Variants in MYO3B observed in about 807,000 individuals in gnomAD.
MYO3B encodes the protein myosin IIIB, also known as myosin-IIIb.
A neutral mutation model predicts 174.6 loss-of-function variants in MYO3B; 156 were observed. The ratio of observed to expected loss-of-function variants is 0.89; its 90% confidence interval spans 0.78 to 1.02. MYO3B has a LOEUF of 1.02. Ranked by LOEUF, MYO3B falls within the 50% of genes least tolerant of loss-of-function variation. The pLI is 0.00. For synonymous variants in MYO3B, 563 were observed against 569.1 expected (o/e 0.99, Z 0.15); for missense variants, 1,632 against 1,639.4 (o/e 1.00, Z 0.08).
At chr2:170,293,457 T>G (rs1259577760) in intron 7 of MYO3B, among the ~76,000 whole-genome samples, 1 of 152,208 alleles carries the variant, frequency 6.6e-6, no homozygotes, top group African/African-American at 2.4e-5. Flanking sequence ...TTTAAGAGAA[T>G]GCTTCCAATG....
chr2:170,651,597 A>G (rs1211231985), intron 32 of MYO3B, 31 bp from the exon 33 acceptor site: 45 of 1,587,796 alleles, frequency 2.8e-5, no homozygotes, highest in Non-Finnish European at 3.9e-5. Flanking sequence ...CACCTCGGAC[A>G]GTTTACAGCA....
chr2:170,640,353 A>G (rs530804335), intron 32 of MYO3B: 1 of 152,326 alleles, frequency 6.6e-6, no homozygotes, highest in African/African-American at 2.4e-5. Flanking sequence ...ACCATGTTTT[A>G]TCTTTTCATA....
chr2:170,303,792 A>G (rs73978324), intron 7 of MYO3B, among the ~76,000 whole-genome samples: 8,302 of 152,180 alleles, frequency 0.055, 391 homozygotes, highest in Middle Eastern at 0.13. Flanking sequence ...TTATGCATAC[A>G]TGTTTTTCTT....
At chr2:170,188,878 G>A (rs1252288078) in intron 1 of MYO3B, among the ~76,000 whole-genome samples, 3 of 152,176 alleles carry the variant, frequency 2.0e-5, no homozygotes, top group Non-Finnish European at 4.4e-5. Flanking sequence ...GATATGTATA[G>A]TTTACACACC....
chr2:170,557,039 A>G (rs912602828), intron 32 of MYO3B, among the ~76,000 whole-genome samples: 5 of 150,358 alleles, frequency 3.3e-5, no homozygotes, highest in Non-Finnish European at 7.4e-5. Context: ...AGTTCTTTGT[A>G]TATTTTGGAT....
In MYO3B at chr2:170,407,736, G is replaced by T. The variant is rs912157747; in HGVS notation, c.2542G>T (p.Val848Phe). 1.2e-6 allele frequency: 2 copies of T among 1,614,016 alleles called. No individual in the cohort carries two copies. The highest frequency in any genetic ancestry group is 1.7e-5 in the Admixed American group (1 of 60,010). The change falls in exon 22 of 35, where the codon GTT (valine) becomes TTT (phenylalanine). Residue 848 changes from valine (V) to phenylalanine (F), a missense_variant. By Grantham distance (50) the Val-to-Phe change is conservative. Coordinates refer to ENST00000408978, the MANE Select transcript of MYO3B (RefSeq NM_138995.5). ...ACAGGTATTATATGATGCTTCTGGG[G>T]TTCTTGAGAAAAATAGAGACACTCT... ...AGKVLYDASG[V>F]LEKNRDTLPA... is the part of the protein sequence containing the mutation.
chr2:170,471,641 T>G (rs995087807), intron 25 of MYO3B, among the ~76,000 whole-genome samples: 2 of 152,206 alleles, frequency 1.3e-5, no homozygotes, highest in African/African-American at 4.8e-5. Context: ...CAACACCATT[T>G]TGTTGAAAAT....
chr2:170,607,264 T>G (rs1694870424), intron 32 of MYO3B, among the ~76,000 whole-genome samples: 1 of 152,238 alleles, frequency 6.6e-6, no homozygotes. Flanking sequence ...GTAGTATCAG[T>G]TGGGATAGAT....
chr2:170,318,680 C>A (rs145058739), intron 7 of MYO3B, among the ~76,000 whole-genome samples: 1 of 152,192 alleles, frequency 6.6e-6, no homozygotes, highest in Non-Finnish European at 1.5e-5. Context: ...GCAGGAGGTA[C>A]CTCTATGCAG....
intron 6 of MYO3B, among the ~76,000 whole-genome samples, chr2:170,218,956 T>A (rs1273421205): frequency 6.6e-6 from 1 of 152,218 alleles, no homozygotes; most frequent in Non-Finnish European, 1.5e-5. Context: ...TATCCAGCCT[T>A]GTTTCAGATT....
chr2:170,468,204 C>T (rs1262566660), intron 25 of MYO3B, among the ~76,000 whole-genome samples: 1 of 152,140 alleles, frequency 6.6e-6, no homozygotes, highest in Non-Finnish European at 1.5e-5. Context: ...CAGTTTTCTC[C>T]CTTGATGTTA....
At chr2:170,183,102 A>G (rs917930170) in intron 1 of MYO3B, among the ~76,000 whole-genome samples, 13 of 151,922 alleles carry the variant, frequency 8.6e-5, no homozygotes, top group Non-Finnish European at 1.3e-4. Flanking sequence ...CTAAAATACA[A>G]AAAAATTAGC....
chr2:170,581,510 G>T (rs906380078), intron 32 of MYO3B, among the ~76,000 whole-genome samples: 1 of 151,830 alleles, frequency 6.6e-6, no homozygotes, highest in Non-Finnish European at 1.5e-5. Context: ...AATGGCTTAT[G>T]TGCCTTAAGA....
intron 32 of MYO3B, among the ~76,000 whole-genome samples, chr2:170,619,995 T>A (rs1262836718): frequency 1.3e-5 from 2 of 151,902 alleles, no homozygotes; most frequent in Admixed American, 6.6e-5. Context: ...TAGAAGCAAG[T>A]CACTAAGCCC....
chr2:170,222,807 C>G (rs1390700484), intron 6 of MYO3B, among the ~76,000 whole-genome samples: 2 of 152,144 alleles, frequency 1.3e-5, no homozygotes, highest in Non-Finnish European at 2.9e-5. Flanking sequence ...CTCCCAAATA[C>G]TAATATTTAG....
chr2:170,551,349 A>ATTTGT (rs1553520401), intron 32 of MYO3B, among the ~76,000 whole-genome samples: 2 of 142,320 alleles, frequency 1.4e-5, no homozygotes, highest in Non-Finnish European at 1.5e-5. Context: ...ATTTAATTTA[A>ATTTGT]TTATTTATTT....
intron 7 of MYO3B, among the ~76,000 whole-genome samples, chr2:170,289,540 G>A (rs1046429918): frequency 6.6e-6 from 1 of 151,834 alleles, no homozygotes. Flanking sequence ...TATTTATGAG[G>A]TCTCAGTTTT....
At position 170,498,600 on chromosome 2, in the gene MYO3B, A is replaced by G. The variant is rs1470924760; in HGVS notation, c.3023A>G (p.Tyr1008Cys). 3.1e-6 allele frequency: 5 copies of G among 1,612,756 alleles called. No individual in the cohort carries two copies. Among genetic ancestry groups the G allele is most frequent in the Non-Finnish European group, 4.2e-6 (5 of 1,178,834 alleles). ...LFEEFVKRYY[Y>C]LAFTAHQTPL... is the part of the protein sequence containing the mutation. Reference sequence around the variant, plus strand: ...ATTCTTTTATTTTGCAGGTATTATTACTTGGCATTCACAGCACATCAAACA... The same window carrying G: ...ATTCTTTTATTTTGCAGGTATTATTGCTTGGCATTCACAGCACATCAAACA... Residue 1008 changes from tyrosine (Y) to cysteine (C), a missense_variant, in exon 26 of 35, where the codon TAC becomes TGC. Transcript: ENST00000408978.
At chr2:170,632,174 A>G (rs537585245) in intron 32 of MYO3B, among the ~76,000 whole-genome samples, 3 of 152,354 alleles carry the variant, frequency 2.0e-5, no homozygotes, top group Admixed American at 2.0e-4. Flanking sequence ...AATCAACAGA[A>G]TATACATTCT....
Sources: allele counts gnomAD v4.1 joint callset (sites outside exome capture counted in the v4.1 genomes callset), GRCh38; gene constraint gnomAD v4.1.1; transcripts MANE v1.5; gene names NCBI Gene and HGNC (gene_info 2026-07-23, HGNC 2026-07-21).